Variants in HHLA1 observed in about 807,000 individuals in gnomAD.
HHLA1 encodes the protein HERV-H LTR-associating protein 1.
Under a neutral mutation model 69.9 loss-of-function variants are expected in HHLA1, and 72 were observed. That is an observed-to-expected ratio of 1.03 (90% CI 0.85 to 1.25). The LOEUF (loss-of-function observed/expected upper bound fraction) is 1.25. HHLA1 is among the 50% of genes most tolerant of loss of function. The pLI is 0.00. For synonymous variants in HHLA1, 252 were observed against 233.2 expected (o/e 1.08, Z -0.73); for missense variants, 685 against 642.2 (o/e 1.07, Z -0.72).
chr8:132,069,653 G>A (rs990106527), intron 15 of HHLA1: 2 of 152,054 alleles, frequency 1.3e-5, no homozygotes, highest in South Asian at 2.1e-4. Flanking sequence ...ATTTTCCAAC[G>A]GGATATGATT....
intron 10 of HHLA1, among the ~76,000 whole-genome samples, chr8:132,086,161 A>G (rs1269745263): frequency 1.3e-5 from 2 of 152,136 alleles, no homozygotes; most frequent in Non-Finnish European, 2.9e-5. Flanking sequence ...GTGGGCTCAG[A>G]TATTAGTTTC....
chr8:132,080,190 G>A, intron 10 of HHLA1: 2 of 670,146 alleles, frequency 3.0e-6, no homozygotes, highest in South Asian at 1.5e-5. Flanking sequence ...ACATGTCTTT[G>A]GAAGAGGAAT....
chr8:132,067,461 C>A (rs1014640603), intron 15 of HHLA1, among the ~76,000 whole-genome samples: 3 of 152,092 alleles, frequency 2.0e-5, no homozygotes, highest in South Asian at 4.1e-4. Flanking sequence ...TGTGAGCTTA[C>A]GAACCTGTAC....
chr8:132,105,220 C>G lies in HHLA1; in HGVS notation c.46G>C (p.Gly16Arg), dbSNP rs1467856428. The change falls in exon 2 of 17, where the codon GGC becomes CGC. Residue 16 changes from glycine to arginine, a missense_variant. Gly to Arg is a moderately radical substitution (Grantham distance 125). Transcript: ENST00000414222. ...SRGPSMKLCM[G>R]LACVLSLWNT... ...CAAAGGGACAAGACACATGCCAGGC[C>G]CATGCACAGCTTCATTGAAGGACCA... 1 of 1,552,138 alleles carries G rather than the reference C, an allele frequency of 6.4e-7. No homozygotes were observed. Among genetic ancestry groups the G allele is most frequent in the East Asian group, 2.4e-5 (1 of 40,904 alleles).
At chr8:132,080,847 T>A (rs1481282911) in intron 10 of HHLA1, 1 of 152,078 alleles carries the variant, frequency 6.6e-6, no homozygotes, top group African/African-American at 2.4e-5. Flanking sequence ...TGGGAGAGAT[T>A]AAGCTGAAGG....
chr8:132,075,954 C>A, intron 14 of HHLA1, 101 bp downstream of exon 14: 1 of 857,168 alleles, frequency 1.2e-6, no homozygotes, highest in Non-Finnish European at 1.8e-6. Flanking sequence ...TCCCATGAGT[C>A]TGATTTTCTA....
At position 132,074,329 on chromosome 8, in the gene HHLA1, CT is replaced by C. The variant is rs201966926; in HGVS notation, c.1315+1725del. Among the ~76,000 whole-genome samples the C allele has an allele frequency of 3.4e-3, 492 of 145,832 alleles. 4 individuals are homozygous for C. The East Asian group carries it at 0.044, about 13-fold the overall frequency. ...AGTCACTCTTTTTTTTCAATTGCAG[CT>C]TTTTTTTTTTTCACATATGGCATAT... is the stretch of plus-strand genomic sequence containing the variant. On this transcript the variant is annotated intron_variant, in intron 14 of 16. Transcript: ENST00000414222.
intron 3 of HHLA1, chr8:132,101,410 C>T: frequency 8.2e-7 from 1 of 1,217,864 alleles, no homozygotes; most frequent in Middle Eastern, 2.9e-4. Flanking sequence ...ATTTGATGTA[C>T]CTAAATTTGA....
In HHLA1 at chr8:132,065,908, C is replaced by T; in HGVS notation, c.1530G>A (p.Val510=). The change falls in exon 16 of 17, where the codon GTG becomes GTA. Residue 510 remains valine, a synonymous_variant. Transcript: ENST00000414222. ...LKNATYICQR[V]KRVSHSHTLK... ...TACTGTGCGAGTGGGACACCCTTTT[C>T]ACCCTCTGACAGATATATGTTGCAT... 2 of 1,302,650 alleles carry T rather than the reference C, an allele frequency of 1.5e-6. No individual in the cohort carries two copies. The highest frequency in any genetic ancestry group is 2.0e-6 in the Non-Finnish European group (2 of 986,440). 80.7% of individuals were successfully genotyped at this position (1,302,650 alleles called of 1,614,324 possible).
At chr8:132,071,827 C>A (rs1012332584) in intron 14 of HHLA1, among the ~76,000 whole-genome samples, 1 of 151,702 alleles carries the variant, frequency 6.6e-6, no homozygotes, top group Non-Finnish European at 1.5e-5. Flanking sequence ...AATGACTCTG[C>A]GTGATGTAAG....
At chr8:132,069,363 TG>T (rs1377955966) in intron 15 of HHLA1, among the ~76,000 whole-genome samples, 3 of 150,498 alleles carry the variant, frequency 2.0e-5, no homozygotes, top group African/African-American at 7.5e-5. Context: ...GTGTTTTTTT[TG>T]TTTGTTTGTT....
rs1824183817 is a variant in HHLA1, at chr8:132,105,212, T to C, written c.54A>G (p.Ala18=). ...CTGTGTTCCAAAGGGACAAGACACA[T>C]GCCAGGCCCATGCACAGCTTCATTG... ...GPSMKLCMGL[A]CVLSLWNTVS... is the part of the protein sequence containing the mutation. Residue 18 remains alanine, a synonymous_variant, in exon 2 of 17, where the codon GCA becomes GCG. Transcript: ENST00000414222. The C allele has an allele frequency of 6.4e-7, 1 of 1,552,118 alleles. No individual in the cohort carries two copies. The highest frequency in any genetic ancestry group is 1.7e-4 in the Middle Eastern group (1 of 5,996).
rs1395660498 is a variant in HHLA1, at chr8:132,062,868, C to T, written c.*1127G>A. ...ATCCCCTGTAAATCCTTGGAATATC[C>T]TGCCTGATGAGTGTCTCTTGTACCT... On this transcript the variant is annotated 3_prime_UTR_variant, in exon 17 of 17. Transcript: ENST00000414222. The T allele has an allele frequency of 6.6e-6, 1 of 152,226 alleles. No individual in the cohort carries two copies. Among genetic ancestry groups the T allele is most frequent in the African/African-American group, 2.4e-5 (1 of 41,448 alleles). 9.4% of individuals were successfully genotyped at this position (152,226 alleles called of 1,614,324 possible).
chr8:132,081,541 T>C (rs1823752699), intron 10 of HHLA1, among the ~76,000 whole-genome samples: 1 of 152,194 alleles, frequency 6.6e-6, no homozygotes, highest in East Asian at 1.9e-4. Context: ...TTGGCTGATT[T>C]GACTAATAAA....
At chr8:132,084,291 G>A (rs1324818335) in intron 10 of HHLA1, among the ~76,000 whole-genome samples, 1 of 152,076 alleles carries the variant, frequency 6.6e-6, no homozygotes, top group Non-Finnish European at 1.5e-5. Context: ...CTGGCGAGGA[G>A]CAGCCTGGGG....
intron 13 of HHLA1, 111 bp downstream of exon 13, chr8:132,076,364 A>G: frequency 1.3e-6 from 1 of 787,426 alleles, no homozygotes; most frequent in Non-Finnish European, 2.1e-6. Context: ...AAGCAGAGTA[A>G]CCTGCTTAGA....
rs1435767623 is a variant in HHLA1 at position 132,089,545 on chromosome 8, T to G, written c.503A>C (p.Glu168Ala). The stretch of plus-strand genomic sequence containing the variant: ...GAGGATGGAGGTTGACTTAAAAATC[T>G]CTGTGAGGTAGCTGGTAGAATTGCC... Reference protein sequence around the residue: ...IIGNSTSYLTEIFKSTSILSV... With the variant: ...IIGNSTSYLTAIFKSTSILSV... Residue 168 changes from glutamate to alanine, a missense_variant, in exon 8 of 17, where the codon GAG becomes GCG. Physicochemically the swap from Glu to Ala is moderately radical, Grantham distance 107. Coordinates refer to ENST00000414222, the MANE Select transcript of HHLA1 (RefSeq NM_001145095.3). 1.3e-6 allele frequency: 2 copies of G among 1,532,606 alleles called. No homozygotes were observed. The highest frequency in any genetic ancestry group is 3.9e-5 in the Admixed American group (2 of 50,970). 94.9% of individuals were successfully genotyped at this position (1,532,606 alleles called of 1,614,324 possible).
At position 132,077,891 on chromosome 8, in the gene HHLA1, G is replaced by T; in HGVS notation, c.1006C>A (p.Gln336Lys). 6.4e-7 allele frequency: 1 copy of T among 1,551,548 alleles called. No individual in the cohort carries two copies. The highest frequency in any genetic ancestry group is 8.7e-7 in the Non-Finnish European group (1 of 1,146,938). ...WASISSVPWA[Q>K]TISEKKPGGS... ...CCAGGTTTTTTCTCACTGATGGTCT[G>T]AGCCCAGGGCACGGACGATATGGAA... The change falls in exon 12 of 17, where the codon CAG (glutamine) becomes AAG (lysine). Residue 336 changes from glutamine to lysine, a missense_variant. Transcript: ENST00000414222.
intron 7 of HHLA1, 130 bp downstream of exon 7, chr8:132,095,389 T>C (rs1824005845): frequency 1.9e-6 from 1 of 539,058 alleles, no homozygotes; most frequent in Non-Finnish European, 3.3e-6. Context: ...GGATAATGAA[T>C]GAGCACATGG....
Sources: gnomAD v4.1 joint callset for allele counts (sites outside exome capture counted in the v4.1 genomes callset) on GRCh38, gnomAD v4.1.1 for gene constraint, MANE v1.5 for transcripts, NCBI Gene and HGNC (gene_info 2026-07-23, HGNC 2026-07-21) for gene names.